SLC8A1: variants seen among roughly 807,000 people sequenced by gnomAD.
The protein encoded by SLC8A1 is solute carrier family 8 member A1.
A neutral mutation model predicts 68.3 loss-of-function variants in SLC8A1; 18 were observed. The ratio of observed to expected loss-of-function variants is 0.26; its 90% confidence interval spans 0.18 to 0.39. SLC8A1 has a LOEUF of 0.39. Among genes scored for constraint, SLC8A1 ranks in the 10% least tolerant of loss-of-function variants. The pLI, the probability that SLC8A1 is intolerant of heterozygous loss-of-function variation, is 1.00. For missense variants in SLC8A1, 985 were observed against 1,156.7 expected, an observed-to-expected ratio of 0.85 and a Z score of 2.15; for synonymous variants, 475 against 415.5, an observed-to-expected ratio of 1.14 and a Z score of -1.74.
At chr2:40,229,864 T>A (rs1397029409) in intron 2 of SLC8A1, among the ~76,000 whole-genome samples, 2 of 152,216 alleles carry the variant, frequency 1.3e-5, no homozygotes, top group Non-Finnish European at 2.9e-5. Context: ...GTTAAAGATA[T>A]GTACACCTAA....
chr2:40,322,843 CA>C (rs2075365135), intron 2 of SLC8A1, among the ~76,000 whole-genome samples: 1 of 150,884 alleles, frequency 6.6e-6, no homozygotes, highest in African/African-American at 2.5e-5. Flanking sequence ...CACACACACA[CA>C]CACACACCAC....
chr2:40,493,651 T>C (rs1209075222), intron 1 of SLC8A1, among the ~76,000 whole-genome samples: 11 of 210 alleles, frequency 0.052, no homozygotes, highest in African/African-American at 0.12. Flanking sequence ...TTCCTCAGTA[T>C]TTTTTTTTTT....
intron 2 of SLC8A1, among the ~76,000 whole-genome samples, chr2:40,216,877 C>T (rs2057574274): frequency 6.6e-6 from 1 of 152,148 alleles, no homozygotes; most frequent in South Asian, 2.1e-4. Context: ...TGTTTACAAT[C>T]TTTGTAGATT....
chr2:40,242,607 A>AAC (rs1558918107), intron 2 of SLC8A1, among the ~76,000 whole-genome samples: 2 of 152,214 alleles, frequency 1.3e-5, no homozygotes, highest in Non-Finnish European at 2.9e-5. Flanking sequence ...ATGTCATAGA[A>AAC]ACAGCTGCCA....
intron 2 of SLC8A1, among the ~76,000 whole-genome samples, chr2:40,179,226 T>C (rs949331082): frequency 2.0e-5 from 3 of 152,206 alleles, no homozygotes; most frequent in Admixed American, 6.5e-5. Context: ...GTGCGAGTCA[T>C]GATGTTGTAG....
chr2:40,205,834 A>G (rs2055333563), intron 2 of SLC8A1, among the ~76,000 whole-genome samples: 1 of 146,264 alleles, frequency 6.8e-6, no homozygotes, highest in African/African-American at 2.5e-5. Flanking sequence ...AAAAAAAAAG[A>G]AAAAGTCTTC....
intron 2 of SLC8A1, among the ~76,000 whole-genome samples, chr2:40,308,066 C>G (rs2072999311): frequency 6.6e-6 from 1 of 152,072 alleles, no homozygotes; most frequent in Non-Finnish European, 1.5e-5. Flanking sequence ...ACTTTTCAAG[C>G]AAGTTTTGTT....
At chr2:40,400,085 G>A (rs562337615) in intron 2 of SLC8A1, among the ~76,000 whole-genome samples, 10 of 152,164 alleles carry the variant, frequency 6.6e-5, no homozygotes, top group South Asian at 4.2e-4. Flanking sequence ...TTGCTCAATC[G>A]ATCACGACCC....
upstream of SLC8A1, among the ~76,000 whole-genome samples, chr2:40,452,419 A>C (rs1392123270): frequency 2.0e-5 from 3 of 152,016 alleles, no homozygotes; most frequent in East Asian, 5.8e-4. Flanking sequence ...TCGGCCCCGC[A>C]GTGCGTTGTG....
At chr2:40,179,547 C>A (rs573209216) in intron 2 of SLC8A1, among the ~76,000 whole-genome samples, 1 of 152,180 alleles carries the variant, frequency 6.6e-6, no homozygotes, top group Admixed American at 6.5e-5. Context: ...TATTAGAAGC[C>A]TCTTAAACCC....
At chr2:40,246,079 T>C (rs2061829363) in intron 2 of SLC8A1, among the ~76,000 whole-genome samples, 1 of 152,200 alleles carries the variant, frequency 6.6e-6, no homozygotes, top group African/African-American at 2.4e-5. Context: ...CTTTTAAAAG[T>C]GTTCATAGGT....
chr2:40,130,869 G>A (rs1178841094), intron 7 of SLC8A1, among the ~76,000 whole-genome samples: 1 of 152,218 alleles, frequency 6.6e-6, no homozygotes, highest in African/African-American at 2.4e-5. Context: ...GCAGGAAACA[G>A]AAGCACATTT....
chr2:40,466,951 A>T (rs1703709253), intron 1 of SLC8A1, among the ~76,000 whole-genome samples: 2 of 141,748 alleles, frequency 1.4e-5, no homozygotes, highest in African/African-American at 5.3e-5. Flanking sequence ...TAAATTAAAT[A>T]CCTTACAGGA....
chr2:40,282,621 G>A (rs1046103163), intron 2 of SLC8A1, among the ~76,000 whole-genome samples: 2 of 152,092 alleles, frequency 1.3e-5, no homozygotes, highest in African/African-American at 2.4e-5. Flanking sequence ...ATTTTTGCAC[G>A]CTCCTTTGCT....
At chr2:40,509,877 C>T (rs2149946137) in intron 1 of SLC8A1, among the ~76,000 whole-genome samples, 1 of 151,882 alleles carries the variant, frequency 6.6e-6, no homozygotes, top group Middle Eastern at 3.4e-3. Flanking sequence ...GTGGCATGAT[C>T]TCGGCTCAAA....
chr2:40,159,960 T>C (rs1283861261), intron 6 of SLC8A1, among the ~76,000 whole-genome samples: 1 of 152,178 alleles, frequency 6.6e-6, no homozygotes, highest in African/African-American at 2.4e-5. Context: ...TAGGAAACTC[T>C]ACCTTTGTTA....
intron 2 of SLC8A1, among the ~76,000 whole-genome samples, chr2:40,247,363 G>A (rs945537267): frequency 3.3e-5 from 5 of 152,140 alleles, no homozygotes; most frequent in Admixed American, 6.6e-5. Context: ...CACTTGCCAC[G>A]TGTTTGAGAA....
At chr2:40,501,749 C>A (rs951047184) in intron 1 of SLC8A1, among the ~76,000 whole-genome samples, 14 of 152,098 alleles carry the variant, frequency 9.2e-5, no homozygotes, top group Admixed American at 3.3e-4. Context: ...CCCTTGCCCA[C>A]GTAGTAGGGA....
At chr2:40,214,727 T>TGCATC (rs986494539) in intron 2 of SLC8A1, among the ~76,000 whole-genome samples, 11 of 152,144 alleles carry the variant, frequency 7.2e-5, no homozygotes, top group African/African-American at 2.2e-4. Flanking sequence ...CGTGAGCCAC[T>TGCATC]GCATCCGGCC....
Sources: allele counts gnomAD v4.1 joint callset (sites outside exome capture counted in the v4.1 genomes callset), GRCh38; gene constraint gnomAD v4.1.1; transcripts MANE v1.5; gene names NCBI Gene and HGNC (gene_info 2026-07-23, HGNC 2026-07-21).